The following PLIN2 variants were observed in gnomAD, a reference collection of about 807,000 sequenced individuals.
PLIN2 encodes perilipin 2, also known as perilipin-2.
A neutral mutation model predicts 30.6 loss-of-function variants in PLIN2; 33 were observed. That is an observed-to-expected ratio of 1.08 (90% confidence interval 0.82 to 1.44). The LOEUF is 1.44. Among genes scored for constraint, PLIN2 ranks in the 40% most tolerant of loss-of-function variants. The probability of loss-of-function intolerance (pLI) is 0.00; values close to 1 mark genes in which losing one functional copy is unlikely to be tolerated. For missense variants in PLIN2, 610 were observed against 531.8 expected (o/e 1.15, Z -1.45); for synonymous variants, 205 against 201.1 (o/e 1.02, Z -0.16).
downstream of PLIN2, among the ~76,000 whole-genome samples, chr9:19,115,010 G>GACTC (rs1449698447): frequency 6.6e-6 from 1 of 152,134 alleles, no homozygotes; most frequent in Non-Finnish European, 1.5e-5. Context: ...CTCCCTTTAG[G>GACTC]ACTCACGCTT....
rs553481674 is a variant in PLIN2 at position 19,116,413 on chromosome 9, T to C, written c.1149A>G (p.Glu383=). The C allele has an allele frequency of 4.3e-6, 7 of 1,614,066 alleles. No individual in the cohort carries two copies. The highest frequency in any genetic ancestry group is 5.1e-6 in the Non-Finnish European group (6 of 1,180,048). The stretch of plus-strand genomic sequence containing the variant: ...GATAATCCATCACGTCATCTAAAGA[T>C]TCCTTCATTTTCTGCAGCTGCCCCT... The part of the protein sequence containing the change: ...SSKGQLQKMK[E]SLDDVMDYLV... The change falls in exon 8 of 8, where the codon GAA becomes GAG. Residue 383 remains glutamate, a synonymous_variant. Transcript: ENST00000276914.
At position 19,116,401 on chromosome 9, in the gene PLIN2, G is replaced by C. The variant is rs764667323; in HGVS notation, c.1161C>G (p.Asp387Glu). 1 of 1,614,206 alleles carries C rather than the reference G, an allele frequency of 6.2e-7. No homozygotes were observed. The highest frequency in any genetic ancestry group is 1.7e-5 in the Admixed American group (1 of 60,012). The change falls in exon 8 of 8, where the codon GAC becomes GAG. Residue 387 changes from aspartate (D) to glutamate (E), a missense_variant. Coordinates refer to ENST00000276914, the MANE Select transcript of PLIN2 (RefSeq NM_001122.4). ...TGTTGTTAACAAGATAATCCATCAC[G>C]TCATCTAAAGATTCCTTCATTTTCT... ...QLQKMKESLD[D>E]VMDYLVNNTP...
At chr9:19,123,345 G>C (rs766347794) in intron 4 of PLIN2, 85 of 1,549,424 alleles carry the variant, frequency 5.5e-5, no homozygotes, top group Non-Finnish European at 7.0e-5. Flanking sequence ...CACACTAAAA[G>C]TTTTCTAATC....
intron 3 of PLIN2, 102 bp from the exon 4 acceptor site, chr9:19,123,749 G>C (rs568562422): frequency 1.1e-6 from 1 of 917,960 alleles, no homozygotes; most frequent in Non-Finnish European, 1.6e-6. Flanking sequence ...GGCTGGGCAC[G>C]GTGGCTCACG....
In PLIN2 at chr9:19,119,722, A is replaced by T. The variant is rs1239637449; in HGVS notation, c.705T>A (p.Ala235=). The change falls in exon 6 of 8, where the codon GCT becomes GCA. Residue 235 remains alanine (A), a synonymous_variant. Transcript: ENST00000276914. ...TKLHSRAYQQ[A]LSRVKEAKQK... ...GCTTAGCTTCTTTAACCCTGCTGAG[A>T]GCCTGCTGGTAGGCACGGGAGTGAA... 1 of 1,612,872 alleles carries T rather than the reference A, an allele frequency of 6.2e-7. No individual in the cohort carries two copies. The highest frequency in any genetic ancestry group is 2.2e-5 in the East Asian group (1 of 44,868).
At chr9:19,108,612 G>A (rs978390850) in exon 3 of PLIN2, 1 of 152,610 alleles carries the variant, frequency 6.6e-6, no homozygotes, top group African/African-American at 2.4e-5. Context: ...ATTGTTGTTA[G>A]TTATTCAACA....
rs755817348 is a variant in PLIN2, at chr9:19,116,603, T to C, written c.959A>G (p.Gln320Arg). The C allele has an allele frequency of 5.6e-5, 90 of 1,614,018 alleles. No homozygotes were observed. The highest frequency in any genetic ancestry group is 7.6e-5 in the Non-Finnish European group (90 of 1,179,918). ...TLAIARNLTQQLQTTCHTLLS... is the reference protein window; with the variant it reads ...TLAIARNLTQRLQTTCHTLLS... ...GAGGGTGTGGCACGTGGTCTGGAGC[T>C]GCTGAGTCAGGTTGCGGGCAATTGC... The change falls in exon 8 of 8, where the codon CAG (glutamine) becomes CGG (arginine). Residue 320 changes from glutamine (Q) to arginine (R), a missense_variant. By Grantham distance (43) the Gln-to-Arg change is conservative (BLOSUM62 1). Coordinates refer to ENST00000276914, the MANE Select transcript of PLIN2 (RefSeq NM_001122.4).
In PLIN2 at chr9:19,123,593, A is replaced by G. The variant is rs147250043; in HGVS notation, c.281T>C (p.Leu94Pro). ...CKGLDRIEER[L>P]PILNQPSTQI... ...AGTTGATGGCTGATTCAGAATAGGC[A>G]GTCTCTCCTCAATCCTGTCTAGCCC... is the stretch of plus-strand genomic sequence containing the variant. Residue 94 changes from leucine to proline, a missense_variant, in exon 4 of 8, where the codon CTG (leucine) becomes CCG (proline). Leu to Pro is a moderately conservative substitution (Grantham distance 98, BLOSUM62 -3). Transcript: ENST00000276914. 4.3e-6 allele frequency: 7 copies of G among 1,614,120 alleles called. No homozygotes were observed. The Admixed American group carries it at 6.7e-5, about 15-fold the overall frequency.
chr9:19,123,216 C>A, intron 4 of PLIN2: 1 of 780,642 alleles, frequency 1.3e-6, no homozygotes, highest in Non-Finnish European at 2.0e-6. Flanking sequence ...CAGCATTGTA[C>A]AAGCCAGGTG....
chr9:19,118,114 G>T (rs10811115), intron 7 of PLIN2, among the ~76,000 whole-genome samples: 2 of 152,038 alleles, frequency 1.3e-5, no homozygotes. Context: ...TCTCACTTGG[G>T]GCATATGTAT....
chr9:19,114,515 C>T (rs1364291077), downstream of PLIN2, among the ~76,000 whole-genome samples: 1 of 152,034 alleles, frequency 6.6e-6, no homozygotes, highest in African/African-American at 2.4e-5. Flanking sequence ...GGGGATTCTC[C>T]TTGCCCAGCC....
chr9:19,117,887 G>A (rs1818254974), intron 7 of PLIN2, among the ~76,000 whole-genome samples: 1 of 152,214 alleles, frequency 6.6e-6, no homozygotes, highest in Non-Finnish European at 1.5e-5. Flanking sequence ...AAAGTGTTGG[G>A]ATTACAGGCG....
downstream of PLIN2, among the ~76,000 whole-genome samples, chr9:19,114,539 G>C (rs1818195854): frequency 6.6e-6 from 1 of 152,056 alleles, no homozygotes; most frequent in African/African-American, 2.4e-5. Flanking sequence ...AAGTAGCTGG[G>C]ATTATAGGCG....
chr9:19,120,566 G>T (rs1486768810), intron 5 of PLIN2, among the ~76,000 whole-genome samples: 1 of 152,132 alleles, frequency 6.6e-6, no homozygotes, highest in Non-Finnish European at 1.5e-5. Context: ...GAGGCAAAAA[G>T]ATTAGTGGTT....
rs1244998105 is a variant in PLIN2 at position 19,126,157 on chromosome 9, G to A, written c.183C>T (p.Ala61=). The part of the protein sequence containing the change: ...ENGVKTITSV[A]MTSALPIIQK... Reference sequence around the variant, plus strand: ...GGATGATGGGCAGAGCACTGGTCATGGCCACGGAGGTGATGGTCTTCACAC... The same window carrying A: ...GGATGATGGGCAGAGCACTGGTCATAGCCACGGAGGTGATGGTCTTCACAC... Residue 61 remains alanine, a synonymous_variant, in exon 3 of 8, where the codon GCC becomes GCT. Coordinates refer to ENST00000276914, the MANE Select transcript of PLIN2 (RefSeq NM_001122.4). 6.2e-7 allele frequency: 1 copy of A among 1,614,140 alleles called. No homozygotes were observed. The highest frequency in any genetic ancestry group is 1.1e-5 in the South Asian group (1 of 91,078).
chr9:19,116,353 A>G lies in PLIN2; in HGVS notation c.1209T>C (p.Gly403=). Residue 403 remains glycine, a synonymous_variant, in exon 8 of 8, where the codon GGT becomes GGC. Transcript: ENST00000276914. ...VNNTPLNWLV[G]PFYPQLTESQ... is the part of the protein sequence containing the mutation. ...ACTCAGTCAGCTGAGGATAAAAGGG[A>G]CCTACCAGCCAGTTGAGGGGCGTGT... is the stretch of plus-strand genomic sequence containing the variant. 6.2e-7 allele frequency: 1 copy of G among 1,614,122 alleles called. No homozygotes were observed. Among genetic ancestry groups the G allele is most frequent in the Non-Finnish European group, 8.5e-7 (1 of 1,180,002 alleles).
chr9:19,123,284 C>T, intron 4 of PLIN2: 2 of 1,372,574 alleles, frequency 1.5e-6, no homozygotes, highest in Non-Finnish European at 2.0e-6. Context: ...CAATCAGTTA[C>T]TTGAGACAGC....
intron 6 of PLIN2, 56 bp downstream of exon 6, chr9:19,119,579 ATTACATTTAATTCTT>A (rs1818280174): frequency 1.1e-6 from 1 of 892,300 alleles, no homozygotes; most frequent in Non-Finnish European, 1.7e-6. Flanking sequence ...GGATTTTGTG[ATTACATTTAATTCTT>A]GGGCCTAGAG....
chr9:19,121,839 A>G (rs1818322484), intron 4 of PLIN2, among the ~76,000 whole-genome samples: 1 of 152,182 alleles, frequency 6.6e-6, no homozygotes, highest in Non-Finnish European at 1.5e-5. Context: ...ACTGAGGCAG[A>G]AGAATCACTT....
Sources: gnomAD v4.1 joint callset for allele counts (sites outside exome capture counted in the v4.1 genomes callset) on GRCh38, gnomAD v4.1.1 for gene constraint, MANE v1.5 for transcripts, NCBI Gene and HGNC (gene_info 2026-07-23, HGNC 2026-07-21) for gene names.